Variants in ROBO2 observed in about 807,000 individuals in gnomAD.
ROBO2 encodes roundabout homolog 2.
Under a neutral mutation model 160.8 loss-of-function variants are expected in ROBO2, and 53 were observed. The ratio of observed to expected loss-of-function variants is 0.33; its 90% CI spans 0.26 to 0.41. The LOEUF (loss-of-function observed/expected upper bound fraction) is 0.41. Among genes scored for constraint, ROBO2 ranks in the 10% least tolerant of loss-of-function variants. The pLI is 1.00. For missense variants in ROBO2, 1,577 were observed against 1,722.4 expected, an observed-to-expected ratio of 0.92 and a Z score of 1.49; for synonymous variants, 664 against 611.7, an observed-to-expected ratio of 1.09 and a Z score of -1.26.
chr3:76,808,667 G>A (rs1022385718), intron 2 of ROBO2, among the ~76,000 whole-genome samples: 15 of 152,048 alleles, frequency 9.9e-5, no homozygotes, highest in African/African-American at 3.4e-4. Context: ...ATGTCTAAAG[G>A]GCACAATGGA....
At chr3:76,765,372 CTG>C (rs1357693188) in intron 2 of ROBO2, among the ~76,000 whole-genome samples, 1 of 151,622 alleles carries the variant, frequency 6.6e-6, no homozygotes, top group Non-Finnish European at 1.5e-5. Context: ...GTACCCCAGA[CTG>C]AACCCAGAGT....
chr3:76,735,223 T>C (rs1366149828), intron 2 of ROBO2, among the ~76,000 whole-genome samples: 1 of 152,196 alleles, frequency 6.6e-6, no homozygotes, highest in Admixed American at 6.5e-5. Flanking sequence ...AAAAAGAATA[T>C]GGTACATGTG....
At chr3:76,808,239 C>A (rs1208495367) in intron 2 of ROBO2, among the ~76,000 whole-genome samples, 3 of 152,104 alleles carry the variant, frequency 2.0e-5, no homozygotes, top group Non-Finnish European at 1.5e-5. Context: ...CTGCAAATAA[C>A]ACAGGACCCC....
At chr3:77,322,388 GA>G (rs1437879062) in intron 2 of ROBO2, among the ~76,000 whole-genome samples, 1 of 152,126 alleles carries the variant, frequency 6.6e-6, no homozygotes, top group African/African-American at 2.4e-5. Context: ...GGTGATGGGA[GA>G]ATTAAGCATA....
chr3:76,207,811 G>T (rs1702903814), intron 2 of ROBO2, among the ~76,000 whole-genome samples: 2 of 152,284 alleles, frequency 1.3e-5, no homozygotes, highest in South Asian at 4.1e-4. Context: ...AGATGATGCT[G>T]AAATCAGATT....
intron 2 of ROBO2, among the ~76,000 whole-genome samples, chr3:76,986,943 C>T (rs554436576): frequency 1.3e-5 from 2 of 152,204 alleles, no homozygotes; most frequent in East Asian, 3.9e-4. Context: ...ACAGTGAATT[C>T]CACACTAACT....
intron 2 of ROBO2, among the ~76,000 whole-genome samples, chr3:76,317,019 C>A (rs2072089905): frequency 6.6e-6 from 1 of 152,202 alleles, no homozygotes; most frequent in South Asian, 2.1e-4. Context: ...AATTATATTT[C>A]ATCTTCTAAA....
intron 2 of ROBO2, among the ~76,000 whole-genome samples, chr3:76,852,171 C>A (rs1045137187): frequency 6.6e-6 from 1 of 152,166 alleles, no homozygotes; most frequent in Non-Finnish European, 1.5e-5. Flanking sequence ...TTACACCTAT[C>A]AGTTGCCTTC....
At chr3:77,233,686 CTT>C (rs1038641916) in intron 2 of ROBO2, among the ~76,000 whole-genome samples, 6 of 151,892 alleles carry the variant, frequency 4.0e-5, no homozygotes, top group African/African-American at 9.7e-5. Context: ...GAAATCAAGT[CTT>C]ATGTATTTAT....
intron 2 of ROBO2, among the ~76,000 whole-genome samples, chr3:76,698,991 A>T (rs1338547621): frequency 6.6e-6 from 1 of 152,212 alleles, no homozygotes; most frequent in East Asian, 1.9e-4. Context: ...TTTAGTAAAA[A>T]TTAAAGAAAT....
chr3:76,903,695 G>A (rs1043675041), intron 2 of ROBO2, among the ~76,000 whole-genome samples: 1 of 152,056 alleles, frequency 6.6e-6, no homozygotes, highest in African/African-American at 2.4e-5. Flanking sequence ...TTATTTTGAG[G>A]GAACCAGGGA....
intron 2 of ROBO2, among the ~76,000 whole-genome samples, chr3:76,487,473 T>G: frequency 6.6e-6 from 1 of 152,198 alleles, no homozygotes; most frequent in Admixed American, 6.5e-5. Flanking sequence ...ATTTCAACAA[T>G]AAATGAATCT....
At chr3:76,434,600 A>G in intron 2 of ROBO2, 1 of 1,557,090 alleles carries the variant, frequency 6.4e-7, no homozygotes, top group Non-Finnish European at 8.9e-7. Context: ...GGAGTTCCAT[A>G]CCACTGGACT....
chr3:76,168,481 T>A (rs534612967), intron 2 of ROBO2, among the ~76,000 whole-genome samples: 1 of 152,314 alleles, frequency 6.6e-6, no homozygotes, highest in Non-Finnish European at 1.5e-5. Flanking sequence ...ATTGTCATTG[T>A]CAGTTCTTCT....
chr3:77,508,066 A>G (rs1056888169), intron 5 of ROBO2, among the ~76,000 whole-genome samples: 2 of 151,820 alleles, frequency 1.3e-5, no homozygotes, highest in African/African-American at 2.4e-5. Context: ...TCTAATCTCT[A>G]TAATGCTTTG....
At chr3:76,790,619 C>T (rs919964355) in intron 2 of ROBO2, among the ~76,000 whole-genome samples, 3 of 151,738 alleles carry the variant, frequency 2.0e-5, no homozygotes, top group African/African-American at 7.3e-5. Context: ...GCAAAATTAT[C>T]TAACACGAAG....
chr3:76,290,238 T>C (rs1016992776), intron 2 of ROBO2, among the ~76,000 whole-genome samples: 1 of 152,190 alleles, frequency 6.6e-6, no homozygotes, highest in African/African-American at 2.4e-5. Flanking sequence ...ATTCTCATTG[T>C]AGAGATGTTT....
At chr3:76,841,422 T>A (rs1342665521) in intron 2 of ROBO2, among the ~76,000 whole-genome samples, 2 of 152,190 alleles carry the variant, frequency 1.3e-5, no homozygotes, top group Non-Finnish European at 2.9e-5. Context: ...AGATACAGAA[T>A]ACTCAGTTGT....
At chr3:75,983,213 A>G (rs1186027134) in intron 2 of ROBO2, among the ~76,000 whole-genome samples, 1 of 151,520 alleles carries the variant, frequency 6.6e-6, no homozygotes, top group African/African-American at 2.4e-5. Context: ...CCTTGAGTCA[A>G]AAGCTTTAGA....
Sources: gnomAD v4.1 joint callset for allele counts (sites outside exome capture counted in the v4.1 genomes callset) on GRCh38, gnomAD v4.1.1 for gene constraint, MANE v1.5 for transcripts, NCBI Gene and HGNC (gene_info 2026-07-23, HGNC 2026-07-21) for gene names.